AGBL1: variants seen among roughly 807,000 people sequenced by gnomAD.
AGBL1 encodes cytosolic carboxypeptidase 4.
Under a neutral mutation model 118.9 loss-of-function variants are expected in AGBL1, and 130 were observed. The observed-to-expected ratio is 1.09, with a 90% CI of 0.95 to 1.26. The LOEUF (loss-of-function observed/expected upper bound fraction) is 1.26. AGBL1 is among the 50% of genes most tolerant of loss of function. The probability of loss-of-function intolerance (pLI) is 0.00; values close to 1 mark genes in which losing one functional copy is unlikely to be tolerated. For synonymous variants in AGBL1, 555 were observed against 478.9 expected (o/e 1.16, Z -2.08); for missense variants, 1,584 against 1,298.1 (o/e 1.22, Z -3.38).
intron 5 of AGBL1, among the ~76,000 whole-genome samples, chr15:86,216,322 T>C (rs928413906): frequency 6.6e-6 from 1 of 152,276 alleles, no homozygotes; most frequent in African/African-American, 2.4e-5. Context: ...GCAGAATATG[T>C]ATCTTTATCT....
intron 22 of AGBL1, among the ~76,000 whole-genome samples, chr15:86,884,444 C>G (rs2079941160): frequency 1.3e-5 from 2 of 152,168 alleles, no homozygotes; most frequent in Non-Finnish European, 2.9e-5. Context: ...CGAGGTTGAC[C>G]TCATGTAACT....
At chr15:86,571,816 C>T (rs1406177448) in intron 21 of AGBL1, among the ~76,000 whole-genome samples, 1 of 152,160 alleles carries the variant, frequency 6.6e-6, no homozygotes, top group East Asian at 1.9e-4. Context: ...CGTGGCCCAG[C>T]CCCCAGGCTT....
intron 18 of AGBL1, among the ~76,000 whole-genome samples, chr15:86,518,249 A>G (rs2083145918): frequency 6.6e-6 from 1 of 151,826 alleles, no homozygotes; most frequent in Admixed American, 6.6e-5. Flanking sequence ...GTAGTTCAGG[A>G]TCTAGTTGTT....
chr15:86,362,605 G>A (rs1448151353), intron 17 of AGBL1, among the ~76,000 whole-genome samples: 1 of 152,192 alleles, frequency 6.6e-6, no homozygotes, highest in Non-Finnish European at 1.5e-5. Context: ...CTGCAGCAGA[G>A]CAGGACTGAA....
rs1192673962 is a variant in AGBL1, at chr15:86,302,207, G to C, written c.2374+6799G>C. Among the ~76,000 whole-genome samples, 3 of 152,088 alleles carry C rather than the reference G, an allele frequency of 2.0e-5. No individual in the cohort carries two copies. The East Asian group carries it at 5.8e-4, about 30-fold the overall frequency. ...GTGGGAAAGATTGTAAAACCTTAAA[G>C]GTAGTTGAATAGCTTGGCTAACACC... is the stretch of plus-strand genomic sequence containing the variant. On this transcript the variant is annotated intron_variant, in intron 17 of 22. Coordinates refer to ENST00000614907, the MANE Select transcript of AGBL1 (RefSeq NM_001386094.1).
intron 5 of AGBL1, among the ~76,000 whole-genome samples, chr15:86,182,097 C>G (rs2077560686): frequency 6.6e-6 from 1 of 151,090 alleles, no homozygotes; most frequent in Non-Finnish European, 1.5e-5. Context: ...AGCAAATGCA[C>G]AAAGCAAGAA....
At chr15:86,223,729 G>T (rs1282092847) in intron 5 of AGBL1, among the ~76,000 whole-genome samples, 1 of 152,168 alleles carries the variant, frequency 6.6e-6, no homozygotes, top group East Asian at 1.9e-4. Flanking sequence ...TGAATTTCAG[G>T]CTTTTGCTCT....
chr15:86,272,197 G>A (rs1025603138), intron 15 of AGBL1, among the ~76,000 whole-genome samples: 11 of 152,156 alleles, frequency 7.2e-5, no homozygotes, highest in African/African-American at 2.7e-4. Context: ...ATAAAAGAGG[G>A]AGGAGTTTCA....
At chr15:86,474,654 G>A in intron 18 of AGBL1, among the ~76,000 whole-genome samples, 1 of 152,214 alleles carries the variant, frequency 6.6e-6, no homozygotes, top group East Asian at 1.9e-4. Flanking sequence ...TGGGGGCAGG[G>A]CATAGCCAAA....
chr15:86,094,710 G>A (rs1896244119), intron 1 of AGBL1, among the ~76,000 whole-genome samples: 1 of 152,178 alleles, frequency 6.6e-6, no homozygotes, highest in Non-Finnish European at 1.5e-5. Context: ...ATTGGATGAA[G>A]GCTGCTTCCA....
At chr15:86,618,464 G>T (rs944985813) in intron 21 of AGBL1, among the ~76,000 whole-genome samples, 40 of 152,100 alleles carry the variant, frequency 2.6e-4, no homozygotes, top group African/African-American at 9.4e-4. Flanking sequence ...AGACTCATTT[G>T]GGGCTTTTAT....
At chr15:86,762,210 G>A (rs780483747) in intron 22 of AGBL1, among the ~76,000 whole-genome samples, 1 of 151,986 alleles carries the variant, frequency 6.6e-6, no homozygotes, top group Non-Finnish European at 1.5e-5. Context: ...ACACAGTGGG[G>A]CCTGTTGGGG....
chr15:86,925,151 AGGAGGAGGAGGAGGAGGAAGAGGAAGAG>A (rs1567242885), intron 23 of AGBL1, among the ~76,000 whole-genome samples: 2 of 121,848 alleles, frequency 1.6e-5, no homozygotes, highest in African/African-American at 8.5e-5. Context: ...GAAGAGGAGG[AGGAGGAGGAGGAGGAGGAAGAGGAAGAG>A]GAAGAGGAAG....
At chr15:86,363,338 G>A (rs2080834783) in intron 17 of AGBL1, among the ~76,000 whole-genome samples, 1 of 152,072 alleles carries the variant, frequency 6.6e-6, no homozygotes, top group South Asian at 2.1e-4. Flanking sequence ...TGAGTGGTGG[G>A]TACTTAGAGG....
At chr15:86,868,091 C>T (rs537563545) in intron 22 of AGBL1, among the ~76,000 whole-genome samples, 50 of 152,204 alleles carry the variant, frequency 3.3e-4, no homozygotes, top group African/African-American at 1.1e-3. Context: ...CTAATCCGGT[C>T]TGTGAGAGGT....
chr15:86,522,335 A>G (rs942696033), intron 18 of AGBL1, among the ~76,000 whole-genome samples: 7 of 152,196 alleles, frequency 4.6e-5, no homozygotes, highest in African/African-American at 1.7e-4. Flanking sequence ...ATCTCCAGCC[A>G]TTTAATAATT....
chr15:86,625,573 T>A (rs1790559578), intron 21 of AGBL1, among the ~76,000 whole-genome samples: 1 of 151,804 alleles, frequency 6.6e-6, no homozygotes. Flanking sequence ...TCAGACATGA[T>A]GAGATGAAAG....
At chr15:86,444,114 T>C (rs138988990) in intron 18 of AGBL1, among the ~76,000 whole-genome samples, 1 of 152,308 alleles carries the variant, frequency 6.6e-6, no homozygotes, top group East Asian at 1.9e-4. Flanking sequence ...TTGCCAGCAC[T>C]TGATATCTTT....
intron 24 of AGBL1, among the ~76,000 whole-genome samples, chr15:87,005,795 C>A (rs1291083894): frequency 6.6e-6 from 1 of 152,172 alleles, no homozygotes; most frequent in Non-Finnish European, 1.5e-5. Context: ...TTCAGTTTTT[C>A]TGCTCTGTTT....
Sources: allele counts gnomAD v4.1 joint callset (sites outside exome capture counted in the v4.1 genomes callset), GRCh38; gene constraint gnomAD v4.1.1; transcripts MANE v1.5; gene names NCBI Gene and HGNC (gene_info 2026-07-23, HGNC 2026-07-21).